Variants in ZNF362 observed in about 807,000 individuals in gnomAD.
ZNF362 encodes the protein zinc finger protein 362.
Under a neutral mutation model 42.9 loss-of-function variants are expected in ZNF362, and 11 were observed. The ratio of observed to expected loss-of-function variants is 0.26; its 90% CI spans 0.16 to 0.42. The LOEUF (loss-of-function observed/expected upper bound fraction) is 0.42. Ranked by LOEUF, ZNF362 falls within the 20% of genes least tolerant of loss-of-function variation. ZNF362 has a pLI of 1.00. For synonymous variants in ZNF362, 255 were observed against 257.3 expected, an observed-to-expected ratio of 0.99 and a Z score of 0.09; for missense variants, 362 against 576.2, an observed-to-expected ratio of 0.63 and a Z score of 3.81.
intron 2 of ZNF362, among the ~76,000 whole-genome samples, chr1:33,274,126 C>A (rs1645925211): frequency 6.6e-6 from 1 of 152,174 alleles, no homozygotes; most frequent in South Asian, 2.1e-4. Flanking sequence ...TGTGGGGTCG[C>A]AGCCGTGTCA....
At chr1:33,143,466 G>T in the ZNF362 span, among the ~76,000 whole-genome samples, 1 of 152,076 alleles carries the variant, frequency 6.6e-6, no homozygotes, top group Non-Finnish European at 1.5e-5. Context: ...GGAGGGCTTG[G>T]GATACTCTAG....
At chr1:33,194,330 G>A in the ZNF362 span, among the ~76,000 whole-genome samples, 2 of 152,162 alleles carry the variant, frequency 1.3e-5, no homozygotes, top group Admixed American at 1.3e-4. Context: ...AAGCCCAGGA[G>A]TTGGAGACCA....
the ZNF362 span, chr1:33,146,004 G>A: frequency 2.3e-6 from 1 of 443,908 alleles, no homozygotes; most frequent in South Asian, 1.6e-5. Flanking sequence ...TCTATTGGCT[G>A]GCACGGACCG....
At chr1:33,200,429 A>G in the ZNF362 span, 1 of 152,204 alleles carries the variant, frequency 6.6e-6, no homozygotes, top group Non-Finnish European at 1.5e-5. Context: ...GAAGTCAGAT[A>G]GCCAGAATTC....
chr1:33,200,330 C>T, the ZNF362 span: 1 of 151,180 alleles, frequency 6.6e-6, no homozygotes, highest in African/African-American at 2.4e-5. Context: ...AACCCTGTCT[C>T]TTAAAAAAGA....
chr1:33,295,084 G>A (rs920939073), intron 7 of ZNF362, 63 bp from the exon 8 acceptor site: 54 of 1,600,858 alleles, frequency 3.4e-5, no homozygotes, highest in Non-Finnish European at 4.3e-5. Context: ...ACAAGGAAGC[G>A]TAGGAAGGGG....
the ZNF362 span, among the ~76,000 whole-genome samples, chr1:33,133,121 C>G: frequency 6.6e-6 from 1 of 152,186 alleles, no homozygotes; most frequent in Non-Finnish European, 1.5e-5. Flanking sequence ...AGCCTTGGCC[C>G]ATAGTCACTT....
At chr1:33,233,203 A>G in the ZNF362 span, among the ~76,000 whole-genome samples, 1 of 152,100 alleles carries the variant, frequency 6.6e-6, no homozygotes, top group African/African-American at 2.4e-5. Context: ...GCAGACCAAA[A>G]TCCTTTAGTT....
the ZNF362 span, among the ~76,000 whole-genome samples, chr1:33,151,869 G>T: frequency 6.6e-6 from 1 of 152,250 alleles, no homozygotes; most frequent in African/African-American, 2.4e-5. Context: ...CCGGGGCACA[G>T]CCCAGCACAG....
At chr1:33,180,549 C>T in the ZNF362 span, among the ~76,000 whole-genome samples, 2 of 152,164 alleles carry the variant, frequency 1.3e-5, no homozygotes, top group African/African-American at 4.8e-5. Context: ...GATCCGGTCT[C>T]CGCCCCCACA....
chr1:33,257,978 G>C (rs1645805345), intron 1 of ZNF362, among the ~76,000 whole-genome samples: 1 of 152,170 alleles, frequency 6.6e-6, no homozygotes, highest in Admixed American at 6.5e-5. Context: ...GTGGCAGCTG[G>C]TGGTAATGTC....
At chr1:33,148,206 G>A in the ZNF362 span, among the ~76,000 whole-genome samples, 16 of 152,130 alleles carry the variant, frequency 1.1e-4, no homozygotes, top group Non-Finnish European at 2.4e-4. Context: ...TTCTGCAAAG[G>A]GAAGTTCTGC....
the ZNF362 span, among the ~76,000 whole-genome samples, chr1:33,236,550 A>AATATATAT: frequency 9.7e-3 from 58 of 5,968 alleles, 5 homozygotes; most frequent in South Asian, 0.019. Flanking sequence ...AAAAAAAAAA[A>AATATATAT]ATATATATAT....
At chr1:33,160,690 C>G in the ZNF362 span, among the ~76,000 whole-genome samples, 197 of 152,280 alleles carry the variant, frequency 1.3e-3, no homozygotes, top group African/African-American at 4.0e-3. Context: ...CAGGCGTGAG[C>G]CATCGTGCCC....
chr1:33,241,639 A>G, the ZNF362 span, among the ~76,000 whole-genome samples: 1,933 of 152,344 alleles, frequency 0.013, 17 homozygotes, highest in Non-Finnish European at 0.019. Flanking sequence ...TAACTATGCA[A>G]TAACAAATCA....
the ZNF362 span, among the ~76,000 whole-genome samples, chr1:33,178,198 C>T: frequency 9.9e-3 from 1,509 of 152,290 alleles, 26 homozygotes; most frequent in African/African-American, 0.035. Context: ...GATGTGGCAC[C>T]AGATCATCTG....
the ZNF362 span, among the ~76,000 whole-genome samples, chr1:33,174,968 T>TATATATAC: frequency 1.0e-4 from 13 of 124,956 alleles, no homozygotes; most frequent in African/African-American, 4.4e-4. Context: ...TATATATATA[T>TATATATAC]ACACACATAT....
the ZNF362 span, chr1:33,145,757 A>G: frequency 1.4e-5 from 6 of 423,148 alleles, no homozygotes; most frequent in Non-Finnish European, 2.5e-5. Flanking sequence ...AAGGGGCAGG[A>G]CAACCCTAGA....
chr1:33,247,107 C>T, the ZNF362 span, among the ~76,000 whole-genome samples: 69 of 152,166 alleles, frequency 4.5e-4, no homozygotes, highest in African/African-American at 1.6e-3. Context: ...TCAGGACCTC[C>T]GGCTGTTCAA....
Sources: gnomAD v4.1 joint callset for allele counts (sites outside exome capture counted in the v4.1 genomes callset) on GRCh38, gnomAD v4.1.1 for gene constraint, MANE v1.5 for transcripts, NCBI Gene and HGNC (gene_info 2026-07-23, HGNC 2026-07-21) for gene names.